The following RPP14 variants were observed in gnomAD, a reference collection of about 807,000 sequenced individuals.
RPP14 encodes ribonuclease P protein subunit p14.
A neutral mutation model predicts 17.8 loss-of-function variants in RPP14; 19 were observed. The ratio of observed to expected loss-of-function variants is 1.07; its 90% CI spans 0.74 to 1.57. The LOEUF is 1.57. RPP14 is among the 40% of genes most tolerant of loss of function. The probability of loss-of-function intolerance (pLI) is 0.00; values close to 1 mark genes in which losing one functional copy is unlikely to be tolerated. For missense variants in RPP14, 125 were observed against 140.8 expected (o/e 0.89, Z 0.57); for synonymous variants, 60 against 56.4 (o/e 1.06, Z -0.29).
intron 3 of RPP14, among the ~76,000 whole-genome samples, chr3:58,313,045 C>T (rs1283028396): frequency 6.6e-6 from 1 of 151,148 alleles, no homozygotes; most frequent in Non-Finnish European, 1.5e-5. Flanking sequence ...AGGCAGATCC[C>T]AAGGTCAGCC....
At chr3:58,310,485 T>C (rs1421465643) in intron 2 of RPP14, 22 bp from the exon 3 acceptor site, 1 of 1,599,050 alleles carries the variant, frequency 6.3e-7, no homozygotes, top group Middle Eastern at 1.7e-4. Context: ...AATATGACTT[T>C]TTTTTTTTTC....
intron 1 of RPP14, among the ~76,000 whole-genome samples, chr3:58,307,600 C>T (rs549111206): frequency 2.4e-4 from 37 of 152,238 alleles, no homozygotes; most frequent in Non-Finnish European, 8.8e-5. Flanking sequence ...ATGACGTACG[C>T]CTGTAATCCC....
chr3:58,315,251 C>T (rs1209548407), intron 3 of RPP14, among the ~76,000 whole-genome samples: 1 of 152,018 alleles, frequency 6.6e-6, no homozygotes, highest in African/African-American at 2.4e-5. Flanking sequence ...AATGAATCTC[C>T]AGAGAATTAT....
chr3:58,317,499 GA>G lies in RPP14; in HGVS notation c.*5del. 1 of 1,569,944 alleles carries G rather than the reference GA, an allele frequency of 6.4e-7. No homozygotes were observed. The highest frequency in any genetic ancestry group is 8.7e-7 in the Non-Finnish European group (1 of 1,143,104). ...GTAGGGAACTAGTATTGGATTGAAT[GA>G]ATAGTCTTCCATTTTGGAAACGTTC... On this transcript the variant is annotated 3_prime_UTR_variant, in exon 6 of 6. Coordinates refer to ENST00000295959, the MANE Select transcript of RPP14 (RefSeq NM_007042.6).
chr3:58,311,211 A>G (rs1044796164), intron 3 of RPP14, among the ~76,000 whole-genome samples: 9 of 151,826 alleles, frequency 5.9e-5, no homozygotes, highest in Middle Eastern at 3.4e-3. Context: ...CTGGAGTGCA[A>G]TGGCACATTC....
chr3:58,310,101 G>A (rs369899182), intron 1 of RPP14: 1 of 537,874 alleles, frequency 1.9e-6, no homozygotes, highest in South Asian at 2.3e-5. Context: ...TCAGGAGTCT[G>A]AGGCAGGAGG....
At chr3:58,314,071 T>C (rs1453197907) in intron 3 of RPP14, among the ~76,000 whole-genome samples, 1 of 151,904 alleles carries the variant, frequency 6.6e-6, no homozygotes, top group Non-Finnish European at 1.5e-5. Flanking sequence ...TAATAACACA[T>C]GGGGCGTGGT....
chr3:58,306,389 A>T lies in RPP14; in HGVS notation c.-50A>T, dbSNP rs1396226749. The T allele has an allele frequency of 1.3e-5, 2 of 152,364 alleles. No homozygotes were observed. Among genetic ancestry groups the T allele is most frequent in the Non-Finnish European group, 2.9e-5 (2 of 68,104 alleles). The allele number at this position is 152,364 out of a possible 1,614,324, so 9.4% of individuals were successfully genotyped here. A position where few individuals can be genotyped will look rare whatever the true frequency, so the allele number is the denominator to read the frequency against. On this transcript the variant is annotated 5_prime_UTR_variant, in exon 1 of 6. Transcript: ENST00000295959. ...CCTTGCGGCGAATAGGAGTCTGGTC[A>T]GGCGTCAGGCTAGTCCGACGAAGAG...
At chr3:58,314,207 C>T (rs753138263) in intron 3 of RPP14, among the ~76,000 whole-genome samples, 18 of 151,782 alleles carry the variant, frequency 1.2e-4, no homozygotes, top group African/African-American at 2.9e-4. Context: ...AAAAACTAGC[C>T]GGGCGTGGTG....
intron 5 of RPP14, 84 bp downstream of exon 5, chr3:58,317,077 T>A: frequency 2.0e-6 from 2 of 985,760 alleles, no homozygotes; most frequent in Non-Finnish European, 3.2e-6. Flanking sequence ...ATTTTTGTGC[T>A]TGCATAAATG....
chr3:58,319,994 G>A lies in RPP14; in HGVS notation c.*2498G>A, dbSNP rs935395947. ...GCAGTCAATCCATTTCTCTCCTCCAGTCTTTGGGAATCACCAGTCTACTTT... is the reference window on the plus strand; with the variant it reads ...GCAGTCAATCCATTTCTCTCCTCCAATCTTTGGGAATCACCAGTCTACTTT... On this transcript the variant is annotated 3_prime_UTR_variant, in exon 6 of 6. Transcript: ENST00000295959. 2.0e-4 allele frequency: 31 copies of A among 152,122 alleles called. No homozygotes were observed. The highest frequency in any genetic ancestry group is 7.5e-4 in the African/African-American group (31 of 41,416). 9.4% of individuals were successfully genotyped at this position (152,122 alleles called of 1,614,324 possible).
intron 5 of RPP14, 56 bp downstream of exon 5, chr3:58,317,049 T>G (rs2097489044): frequency 4.1e-6 from 5 of 1,224,448 alleles, no homozygotes; most frequent in Non-Finnish European, 6.0e-6. Flanking sequence ...GTCAACTGCT[T>G]CTTAATATAC....
chr3:58,308,614 G>GA (rs1456811345), intron 1 of RPP14, among the ~76,000 whole-genome samples: 1 of 152,160 alleles, frequency 6.6e-6, no homozygotes, highest in African/African-American at 2.4e-5. Context: ...GTAGCTCCTT[G>GA]ACCCTGACTT....
At chr3:58,310,123 C>T (rs2097480491) in intron 1 of RPP14, 186 bp from the exon 2 acceptor site, 1 of 562,964 alleles carries the variant, frequency 1.8e-6, no homozygotes, top group East Asian at 2.9e-5. Context: ...TCACCTGAGC[C>T]TCGAGAGCCA....
chr3:58,310,333 C>T lies in RPP14; in HGVS notation c.4C>T (p.Pro2Ser), dbSNP rs1181120113. 6.2e-7 allele frequency: 1 copy of T among 1,613,968 alleles called. No homozygotes were observed. The highest frequency in any genetic ancestry group is 1.3e-5 in the African/African-American group (1 of 75,038). ...GGTGTGATCAGCACTGGAAAAGATG[C>T]CTGCCCCTGCTGCCACATATGAAAG... M[P>S]APAATYERVV... Residue 2 changes from proline to serine, a missense_variant, in exon 2 of 6, where the codon CCT becomes TCT. By Grantham distance (74) the Pro-to-Ser change is moderately conservative. Coordinates refer to ENST00000295959, the MANE Select transcript of RPP14 (RefSeq NM_007042.6).
At chr3:58,313,467 A>G (rs1263016459) in intron 3 of RPP14, among the ~76,000 whole-genome samples, 2 of 152,226 alleles carry the variant, frequency 1.3e-5, no homozygotes, top group African/African-American at 2.4e-5. Flanking sequence ...ATAGTCTGTC[A>G]AATCAAAATA....
chr3:58,314,699 T>C (rs1188123877), intron 3 of RPP14, among the ~76,000 whole-genome samples: 1 of 141,368 alleles, frequency 7.1e-6, no homozygotes, highest in Non-Finnish European at 1.5e-5. Context: ...TTTTTTTTTT[T>C]TGTTGAGATG....
Position 58,316,902 on chromosome 3 carries a change from G to C in RPP14, c.240-13G>C. 6.2e-7 allele frequency: 1 copy of C among 1,607,836 alleles called. No individual in the cohort carries two copies. The highest frequency in any genetic ancestry group is 8.5e-7 in the Non-Finnish European group (1 of 1,175,786). On this transcript the variant is annotated splice_polypyrimidine_tract_variant and intron_variant, in intron 4 of 5. Transcript: ENST00000295959. ...TCTATGACACACTATGTATTTTCTT[G>C]ATCTTTCTGCAGTGGTCTTGTCAAA...
chr3:58,313,056 G>C (rs945366157), intron 3 of RPP14, among the ~76,000 whole-genome samples: 1 of 150,612 alleles, frequency 6.6e-6, no homozygotes, highest in Non-Finnish European at 1.5e-5. Context: ...AAGGTCAGCC[G>C]ATCAAGACCA....
Sources: allele counts gnomAD v4.1 joint callset (sites outside exome capture counted in the v4.1 genomes callset), GRCh38; gene constraint gnomAD v4.1.1; transcripts MANE v1.5; gene names NCBI Gene and HGNC (gene_info 2026-07-23, HGNC 2026-07-21).